The following PDE4D variants were observed in gnomAD, a reference collection of about 807,000 sequenced individuals.
PDE4D encodes the protein phosphodiesterase 4D.
In PDE4D, 24 loss-of-function variants were observed where a neutral mutation model predicts 87.4. The observed-to-expected ratio is 0.27, with a 90% CI of 0.20 to 0.39. PDE4D has a LOEUF of 0.39. Ranked by LOEUF, PDE4D falls within the 10% of genes least tolerant of loss-of-function variation. PDE4D has a pLI of 1.00. For synonymous variants in PDE4D, 384 were observed against 383.2 expected (o/e 1.00, Z -0.02); for missense variants, 714 against 1,041.0 (o/e 0.69, Z 4.32).
chr5:60,077,311 A>C (rs1057005019), intron 2 of PDE4D, among the ~76,000 whole-genome samples: 10 of 152,188 alleles, frequency 6.6e-5, no homozygotes, highest in African/African-American at 2.2e-4. Context: ...GCCCATGCAA[A>C]TACATGGTGG....
At chr5:60,260,923 C>T (rs899898753) in intron 1 of PDE4D, among the ~76,000 whole-genome samples, 1 of 152,002 alleles carries the variant, frequency 6.6e-6, no homozygotes, top group African/African-American at 2.4e-5. Flanking sequence ...AAGTCATTGC[C>T]AACCTTACAA....
chr5:59,877,439 T>C (rs1457145398), intron 1 of PDE4D, among the ~76,000 whole-genome samples: 1 of 143,536 alleles, frequency 7.0e-6, no homozygotes, highest in Non-Finnish European at 1.5e-5. Flanking sequence ...TGTATATCTA[T>C]GTAACAAACC....
intron 3 of PDE4D, among the ~76,000 whole-genome samples, chr5:59,187,546 C>T (rs548607246): frequency 1.9e-4 from 29 of 152,200 alleles, no homozygotes; most frequent in African/African-American, 6.7e-4. Context: ...TACATAATTA[C>T]AAGCTATATT....
chr5:60,009,889 G>T (rs757427319), intron 2 of PDE4D, among the ~76,000 whole-genome samples: 1 of 152,012 alleles, frequency 6.6e-6, no homozygotes, highest in Non-Finnish European at 1.5e-5. Flanking sequence ...TTTTGTTTAT[G>T]GTTAGACCTA....
intron 1 of PDE4D, among the ~76,000 whole-genome samples, chr5:59,709,471 T>C (rs993466218): frequency 6.6e-6 from 1 of 152,146 alleles, no homozygotes; most frequent in Non-Finnish European, 1.5e-5. Context: ...CGCCAACAAC[T>C]TGCTACCCTG....
intron 1 of PDE4D, among the ~76,000 whole-genome samples, chr5:60,193,563 G>A (rs1430645643): frequency 6.0e-5 from 9 of 150,512 alleles, no homozygotes; most frequent in African/African-American, 2.2e-4. Flanking sequence ...CCAGCTACTC[G>A]GGAGGCTGAG....
chr5:59,945,732 T>C (rs1251831128), intron 3 of PDE4D, among the ~76,000 whole-genome samples: 3 of 152,216 alleles, frequency 2.0e-5, no homozygotes, highest in Non-Finnish European at 4.4e-5. Flanking sequence ...CAAAGCCTAA[T>C]GCCAACAAAG....
At chr5:59,082,724 T>G (rs1019754217) in intron 5 of PDE4D, among the ~76,000 whole-genome samples, 2 of 151,674 alleles carry the variant, frequency 1.3e-5, no homozygotes, top group Admixed American at 1.3e-4. Context: ...AGAGTCAATA[T>G]TATAAAGATA....
chr5:59,920,338 A>G (rs1320579813), intron 3 of PDE4D, among the ~76,000 whole-genome samples: 1 of 152,186 alleles, frequency 6.6e-6, no homozygotes, highest in Non-Finnish European at 1.5e-5. Flanking sequence ...AAATAACTGT[A>G]TTTCTATTAC....
intron 1 of PDE4D, among the ~76,000 whole-genome samples, chr5:59,513,645 AT>A (rs1275669434): frequency 3.9e-5 from 6 of 152,186 alleles, no homozygotes; most frequent in East Asian, 1.9e-4. Flanking sequence ...AGAAAAAAAA[AT>A]CTCTTTGAAT....
intron 2 of PDE4D, among the ~76,000 whole-genome samples, chr5:60,092,050 CAAAAAAAAAAAAAA>C (rs66814905): frequency 0.34 from 19,137 of 56,906 alleles, 1,312 homozygotes; most frequent in Middle Eastern, 0.51. Flanking sequence ...AACTCCGTCT[CAAAAAAAAAAAAAA>C]AAAAAAAAAA....
chr5:59,284,048 T>C (rs928482882), intron 1 of PDE4D, among the ~76,000 whole-genome samples: 1 of 152,174 alleles, frequency 6.6e-6, no homozygotes, highest in African/African-American at 2.4e-5. Context: ...CTGTCCAATC[T>C]GCAATCCCTT....
intron 1 of PDE4D, among the ~76,000 whole-genome samples, chr5:59,274,956 G>A (rs540697825): frequency 6.6e-6 from 1 of 152,142 alleles, no homozygotes; most frequent in Admixed American, 6.6e-5. Flanking sequence ...AAAAGTGAGG[G>A]TATTGCTTTT....
chr5:60,312,907 CTA>C (rs1755178986), intron 1 of PDE4D, among the ~76,000 whole-genome samples: 1 of 152,078 alleles, frequency 6.6e-6, no homozygotes, highest in African/African-American at 2.4e-5. Context: ...ACCAGAATCT[CTA>C]TCTTATCAAT....
At chr5:59,605,926 C>T (rs1181355568) in intron 1 of PDE4D, among the ~76,000 whole-genome samples, 1 of 151,996 alleles carries the variant, frequency 6.6e-6, no homozygotes, top group Non-Finnish European at 1.5e-5. Flanking sequence ...AACTTGGCTA[C>T]TTTATTACAG....
intron 2 of PDE4D, among the ~76,000 whole-genome samples, chr5:60,051,973 C>A (rs1770216414): frequency 6.6e-6 from 1 of 152,122 alleles, no homozygotes; most frequent in Non-Finnish European, 1.5e-5. Context: ...CACATACACC[C>A]TTTCAAGACT....
intron 2 of PDE4D, among the ~76,000 whole-genome samples, chr5:60,064,826 C>T (rs1771873787): frequency 6.6e-6 from 1 of 152,064 alleles, no homozygotes; most frequent in Admixed American, 6.6e-5. Context: ...AAATGTCAGG[C>T]CATATCGGGG....
chr5:59,181,821 G>C (rs1741657926), intron 4 of PDE4D, among the ~76,000 whole-genome samples: 1 of 152,110 alleles, frequency 6.6e-6, no homozygotes, highest in Non-Finnish European at 1.5e-5. Flanking sequence ...TGATCCTAGG[G>C]TCTATGCTCT....
At chr5:59,332,719 C>G (rs1481063081) in intron 1 of PDE4D, among the ~76,000 whole-genome samples, 1 of 152,162 alleles carries the variant, frequency 6.6e-6, no homozygotes, top group Non-Finnish European at 1.5e-5. Context: ...TTTCTGCACT[C>G]AAGATGACCA....
Sources: allele counts gnomAD v4.1 joint callset (sites outside exome capture counted in the v4.1 genomes callset), GRCh38; gene constraint gnomAD v4.1.1; transcripts MANE v1.5; gene names NCBI Gene and HGNC (gene_info 2026-07-23, HGNC 2026-07-21).